Variants in MAP6 observed in about 807,000 individuals in gnomAD.
MAP6 encodes microtubule associated protein 6.
Under a neutral mutation model 42.4 loss-of-function variants are expected in MAP6, and 26 were observed. The ratio of observed to expected loss-of-function variants is 0.61; its 90% CI spans 0.45 to 0.85. The LOEUF (loss-of-function observed/expected upper bound fraction) is 0.85, where lower values mean the gene tolerates loss of function less well. MAP6 is among the 40% of genes least tolerant of loss of function. The pLI is 0.00. For missense variants in MAP6, 966 were observed against 1,099.0 expected, an observed-to-expected ratio of 0.88 and a Z score of 1.71; for synonymous variants, 418 against 443.8, an observed-to-expected ratio of 0.94 and a Z score of 0.73.
chr11:75,667,346 T>C lies in MAP6; in HGVS notation c.905+119A>G. On this transcript the variant is annotated intron_variant, in intron 1 of 3. Transcript: ENST00000304771. This position sits in a 1 kb window ranked among gnomAD's most constrained non-coding sequence, Gnocchi z 5.6. ...CTGGGAGGCGGCTGGGGAGAGGGTG[T>C]GGCCTGGGACTGGAGGGAGGCTGCA... 1.1e-6 allele frequency: 1 copy of C among 944,344 alleles called. No individual in the cohort carries two copies. Among genetic ancestry groups the C allele is most frequent in the Non-Finnish European group, 1.5e-6 (1 of 689,144 alleles). The allele number at this position is 944,344 out of a possible 1,614,324, so 58.5% of individuals were successfully genotyped here.
chr11:75,634,412 G>A (rs1425704666), intron 1 of MAP6, among the ~76,000 whole-genome samples: 1 of 152,184 alleles, frequency 6.6e-6, no homozygotes, highest in Non-Finnish European at 1.5e-5. Flanking sequence ...GAGTAGCTGG[G>A]ACTGCAGGCA....
At chr11:75,659,302 T>G (rs1394359259) in intron 1 of MAP6, among the ~76,000 whole-genome samples, 1 of 152,098 alleles carries the variant, frequency 6.6e-6, no homozygotes, top group East Asian at 1.9e-4. Context: ...ACCAACATGG[T>G]GAAACCCCGT....
chr11:75,629,407 G>A (rs939082746), intron 1 of MAP6, among the ~76,000 whole-genome samples: 2 of 151,962 alleles, frequency 1.3e-5, no homozygotes, highest in Non-Finnish European at 2.9e-5. Flanking sequence ...TCTTTCTATC[G>A]TGTCTCTGCT....
At chr11:75,628,015 G>C (rs1292879895) in intron 1 of MAP6, among the ~76,000 whole-genome samples, 1 of 152,142 alleles carries the variant, frequency 6.6e-6, no homozygotes, top group Non-Finnish European at 1.5e-5. Flanking sequence ...TCAAGAGAGA[G>C]GCTCAAGGAC....
Position 75,665,897 on chromosome 11 carries a change from G to A in MAP6, c.905+1568C>T, listed in dbSNP as rs1008684336. The stretch of plus-strand genomic sequence containing the variant: ...CCAAGAGAGAGATGCCAAGTGGGAG[G>A]TGGAATTCAGGAAGATGAGAAATGC... On this transcript the variant is annotated intron_variant, in intron 1 of 3. Transcript: ENST00000304771. Among the ~76,000 whole-genome samples, 9 of 152,140 alleles carry A rather than the reference G, an allele frequency of 5.9e-5. 1 individual carries two copies. The highest frequency in any genetic ancestry group is 5.2e-4 in the Admixed American group (8 of 15,282).
chr11:75,597,752 G>C (rs1942606366), intron 3 of MAP6, among the ~76,000 whole-genome samples: 1 of 152,206 alleles, frequency 6.6e-6, no homozygotes, highest in South Asian at 2.1e-4. Context: ...ATCTGCACCA[G>C]CTGATTTATA....
intron 1 of MAP6, among the ~76,000 whole-genome samples, chr11:75,609,161 T>A (rs61895120): frequency 0.032 from 4,925 of 152,288 alleles, 90 homozygotes; most frequent in Non-Finnish European, 0.042. Context: ...CTGTTTATGA[T>A]CTGTTATAGG....
chr11:75,608,377 G>A (rs1255936000), intron 1 of MAP6, 55 bp from the exon 2 acceptor site: 11 of 1,419,524 alleles, frequency 7.7e-6, no homozygotes, highest in Non-Finnish European at 6.0e-6. Context: ...TGGAAGCAGA[G>A]CTCCTGACAC....
intron 1 of MAP6, among the ~76,000 whole-genome samples, chr11:75,630,194 G>T (rs1943263731): frequency 6.6e-6 from 1 of 152,198 alleles, no homozygotes; most frequent in Non-Finnish European, 1.5e-5. Flanking sequence ...ACCAGCATGG[G>T]ACTCCTGGGC....
chr11:75,641,432 A>G (rs951917603), intron 1 of MAP6, among the ~76,000 whole-genome samples: 6 of 152,082 alleles, frequency 3.9e-5, no homozygotes, highest in African/African-American at 1.4e-4. Flanking sequence ...ATGTATACAT[A>G]TGTAACAAAC....
At chr11:75,615,185 A>G (rs1209004014) in intron 1 of MAP6, among the ~76,000 whole-genome samples, 1 of 152,200 alleles carries the variant, frequency 6.6e-6, no homozygotes, top group Non-Finnish European at 1.5e-5. Flanking sequence ...GATGATGATG[A>G]GTTACTAGAA....
intron 3 of MAP6, among the ~76,000 whole-genome samples, chr11:75,600,742 A>T (rs1942651528): frequency 6.6e-6 from 1 of 152,192 alleles, no homozygotes; most frequent in African/African-American, 2.4e-5. Context: ...CAGTAAAAGG[A>T]GCCTTAAACC....
At chr11:75,665,120 A>G (rs1943924992) in intron 1 of MAP6, among the ~76,000 whole-genome samples, 1 of 152,234 alleles carries the variant, frequency 6.6e-6, no homozygotes, top group Non-Finnish European at 1.5e-5. Flanking sequence ...ACAGGTTAAT[A>G]GAATTGATAG....
At chr11:75,630,235 C>T (rs1943264323) in intron 1 of MAP6, among the ~76,000 whole-genome samples, 1 of 152,168 alleles carries the variant, frequency 6.6e-6, no homozygotes, top group South Asian at 2.1e-4. Flanking sequence ...CTGGTGAACT[C>T]TTGTGTCTTT....
chr11:75,613,019 A>G (rs1423725226), intron 1 of MAP6, among the ~76,000 whole-genome samples: 3 of 152,182 alleles, frequency 2.0e-5, no homozygotes, highest in African/African-American at 7.2e-5. Flanking sequence ...TCTCATTTGC[A>G]TGGCTGCAAA....
At chr11:75,628,186 G>A (rs910235718) in intron 1 of MAP6, among the ~76,000 whole-genome samples, 2 of 152,198 alleles carry the variant, frequency 1.3e-5, no homozygotes, top group African/African-American at 4.8e-5. Flanking sequence ...GCACGGTGCT[G>A]TTTTCCTGGA....
In MAP6 at chr11:75,667,746, G is replaced by T; in HGVS notation, c.624C>A (p.Ala208=). ...CCTCCTGCTCCCGGGCCTCAGCGGC[G>T]GCCTGCACTGGCCAGCGCTCCTGGC... The part of the protein sequence containing the change: ...PQSQERWPVQ[A]AAEAREQEAA... Residue 208 remains alanine (A), a synonymous_variant, in exon 1 of 4, where the codon GCC becomes GCA. Coordinates refer to ENST00000304771, the MANE Select transcript of MAP6 (RefSeq NM_033063.2). The surrounding 1 kb of genome is among the most constrained non-coding windows in gnomAD (Gnocchi z 5.6). 1 of 1,305,596 alleles carries T rather than the reference G, an allele frequency of 7.7e-7. No individual in the cohort carries two copies. The highest frequency in any genetic ancestry group is 9.7e-7 in the Non-Finnish European group (1 of 1,028,880). The allele number at this position is 1,305,596 out of a possible 1,614,324, so 80.9% of individuals were successfully genotyped here.
Position 75,668,427 on chromosome 11 carries a change from A to G in MAP6, c.-58T>C, listed in dbSNP as rs1944004362. The G allele has an allele frequency of 3.3e-6, 5 of 1,527,636 alleles. No individual in the cohort carries two copies. The highest frequency in any genetic ancestry group is 3.8e-5 in the Admixed American group (2 of 52,770). The allele number at this position is 1,527,636 out of a possible 1,614,324, so 94.6% of individuals were successfully genotyped here. On this transcript the variant is annotated 5_prime_UTR_variant, in exon 1 of 4. Transcript: ENST00000304771. ...TCTTGTGGTTCTAAAGCAAGTCTCT[A>G]TAATCTTCCTTCAGCCTCCGATCCT...
At chr11:75,654,896 C>T (rs1293497513) in intron 1 of MAP6, among the ~76,000 whole-genome samples, 3 of 152,172 alleles carry the variant, frequency 2.0e-5, no homozygotes, top group Admixed American at 2.0e-4. Context: ...ACACTAAATT[C>T]TTCACAGGAC....
Sources: allele counts gnomAD v4.1 joint callset (sites outside exome capture counted in the v4.1 genomes callset), GRCh38; gene constraint gnomAD v4.1.1; non-coding constraint Gnocchi (gnomAD v3.1); transcripts MANE v1.5; gene names NCBI Gene and HGNC (gene_info 2026-07-23, HGNC 2026-07-21).